The following ZHX3 variants were observed in gnomAD, a reference collection of about 807,000 sequenced individuals.
The protein encoded by ZHX3 is zinc fingers and homeoboxes 3.
Under a neutral mutation model 64.5 loss-of-function variants are expected in ZHX3, and 20 were observed. The observed-to-expected ratio is 0.31, with a 90% CI of 0.22 to 0.45. The LOEUF is 0.45. Ranked by LOEUF, ZHX3 falls within the 20% of genes least tolerant of loss-of-function variation. The pLI, the probability that ZHX3 is intolerant of heterozygous loss-of-function variation, is 1.00. For missense variants in ZHX3, 1,041 were observed against 1,195.8 expected, an observed-to-expected ratio of 0.87 and a Z score of 1.91; for synonymous variants, 423 against 461.6, an observed-to-expected ratio of 0.92 and a Z score of 1.07.
chr20:41,300,405 T>A (rs1246951709), intron 1 of ZHX3, among the ~76,000 whole-genome samples: 1 of 152,178 alleles, frequency 6.6e-6, no homozygotes, highest in African/African-American at 2.4e-5. Flanking sequence ...GAGAAATGAA[T>A]GCACTATTAA....
rs150499292 is a variant in ZHX3, at chr20:41,303,773, G to A, written c.-245+13736C>T. ...CTTTCTCCTGGCTCCTCCTTTCCTC[G>A]GCCTCTGAACATGCTAGAGCCCCTC... On this transcript the variant is annotated intron_variant, in intron 1 of 3. Coordinates refer to ENST00000683867, the MANE Select transcript of ZHX3 (RefSeq NM_001384317.1). Among the ~76,000 whole-genome samples, 251 of 151,944 alleles carry A rather than the reference G, an allele frequency of 1.7e-3. 3 individuals are homozygous for A. The highest frequency in any genetic ancestry group is 0.012 in the Admixed American group (178 of 15,256).
intron 2 of ZHX3, among the ~76,000 whole-genome samples, chr20:41,256,153 C>T (rs909179753): frequency 1.3e-5 from 2 of 152,102 alleles, no homozygotes; most frequent in Non-Finnish European, 2.9e-5. Context: ...GTAAACCAAG[C>T]CTTTTTAGCA....
rs1369550947 is a variant in ZHX3 at position 41,224,173 on chromosome 20, T to C, written c.-150-19107A>G. Among the ~76,000 whole-genome samples, 1 of 152,222 alleles carries C rather than the reference T, an allele frequency of 6.6e-6. No individual in the cohort carries two copies. Among genetic ancestry groups the C allele is most frequent in the Non-Finnish European group, 1.5e-5 (1 of 68,030 alleles). On this transcript the variant is annotated intron_variant, in intron 2 of 3. Coordinates refer to ENST00000683867, the MANE Select transcript of ZHX3 (RefSeq NM_001384317.1). This position sits in a 1 kb window ranked among gnomAD's most constrained non-coding sequence, Gnocchi z 5.2. ...TAAAAAATCCTGCAGCAATCTGTTA[T>C]CCAGTCTCCAACTGAGTATCTCCCA...
Position 41,179,367 on chromosome 20 carries a change from CCTCA to C in ZHX3, c.*5820_*5823del, listed in dbSNP as rs1401958643. 1 of 152,074 alleles carries C rather than the reference CCTCA, an allele frequency of 6.6e-6. No individual in the cohort carries two copies. The highest frequency in any genetic ancestry group is 1.9e-4 in the East Asian group (1 of 5,172). The allele number at this position is 152,074 out of a possible 1,614,324, so 9.4% of individuals were successfully genotyped here. On this transcript the variant is annotated 3_prime_UTR_variant, in exon 4 of 4. Transcript: ENST00000683867. This position sits in a 1 kb window ranked among gnomAD's most constrained non-coding sequence, Gnocchi z 4.3. ...CTGCTGAGGAGTAGGGACTGGCGCT[CCTCA>C]CTCCTGCTGACAATCTCATGTGGGG...
intron 2 of ZHX3, among the ~76,000 whole-genome samples, chr20:41,236,476 A>G (rs1359446111): frequency 1.3e-5 from 2 of 152,192 alleles, no homozygotes; most frequent in Non-Finnish European, 2.9e-5. Context: ...ACATATCTAC[A>G]ACCATCTGAT....
At position 41,181,013 on chromosome 20, in the gene ZHX3, T is replaced by C. The variant is rs1425296010; in HGVS notation, c.*4178A>G. 1 of 152,220 alleles carries C rather than the reference T, an allele frequency of 6.6e-6. No homozygotes were observed. 9.4% of individuals were successfully genotyped at this position (152,220 alleles called of 1,614,324 possible). A position where few individuals can be genotyped will look rare whatever the true frequency, so the allele number is the denominator to read the frequency against. The stretch of plus-strand genomic sequence containing the variant: ...GCCCATTTGCTCAGACAATGGAGCT[T>C]TTCTGAGATCAAGTGCTCCCCAAAC... On this transcript the variant is annotated 3_prime_UTR_variant, in exon 4 of 4. Coordinates refer to ENST00000683867, the MANE Select transcript of ZHX3 (RefSeq NM_001384317.1).
At chr20:41,199,252 G>A (rs992520823) in intron 3 of ZHX3, among the ~76,000 whole-genome samples, 1 of 152,256 alleles carries the variant, frequency 6.6e-6, no homozygotes, top group Non-Finnish European at 1.5e-5. Context: ...GATGGTGCCT[G>A]TCAATTTTTT....
intron 2 of ZHX3, among the ~76,000 whole-genome samples, chr20:41,261,561 C>T (rs1401674300): frequency 3.9e-5 from 6 of 152,210 alleles, no homozygotes; most frequent in Non-Finnish European, 8.8e-5. Context: ...TCCTCTACTT[C>T]TTTCTCTAGC....
At chr20:41,274,100 T>G (rs963512441) in intron 1 of ZHX3, among the ~76,000 whole-genome samples, 7 of 152,184 alleles carry the variant, frequency 4.6e-5, no homozygotes, top group African/African-American at 1.7e-4. Context: ...AAATATGAAG[T>G]TTATACTTGC....
chr20:41,311,786 T>C (rs528008222), intron 1 of ZHX3, among the ~76,000 whole-genome samples: 3 of 152,246 alleles, frequency 2.0e-5, no homozygotes, highest in Non-Finnish European at 2.9e-5. Context: ...ATCACCATAC[T>C]GGGTTCTCCC....
chr20:41,218,597 A>G lies in ZHX3; in HGVS notation c.-150-13531T>C, dbSNP rs182720417. 6.8e-4 allele frequency among the ~76,000 whole-genome samples: 103 copies of G among 152,304 alleles called. 1 individual carries two copies. The highest frequency in any genetic ancestry group is 2.4e-3 in the African/African-American group (99 of 41,562). On this transcript the variant is annotated intron_variant, in intron 2 of 3. Coordinates refer to ENST00000683867, the MANE Select transcript of ZHX3 (RefSeq NM_001384317.1). The stretch of plus-strand genomic sequence containing the variant: ...AACTCTTTTAACATGAGGCTTGGTG[A>G]TTAGACCACGGTAAGTCAGTAGGAC...
At chr20:41,263,288 C>T (rs535674896) in intron 2 of ZHX3, among the ~76,000 whole-genome samples, 17 of 150,874 alleles carry the variant, frequency 1.1e-4, no homozygotes, top group African/African-American at 3.2e-4. Context: ...TTATAGACCA[C>T]GAAAAAAGAA....
At chr20:41,208,565 A>G (rs2038911706) in intron 2 of ZHX3, among the ~76,000 whole-genome samples, 1 of 152,256 alleles carries the variant, frequency 6.6e-6, no homozygotes, top group Non-Finnish European at 1.5e-5. Context: ...GTAATCCATC[A>G]TATAAACAGA....
chr20:41,260,655 T>C lies in ZHX3; in HGVS notation c.-151+8335A>G, dbSNP rs79796957. 9.1e-3 allele frequency among the ~76,000 whole-genome samples: 1,392 copies of C among 152,320 alleles called. 25 individuals are homozygous for C. Among genetic ancestry groups the C allele is most frequent in the Non-Finnish European group, 0.01 (698 of 68,028 alleles). On this transcript the variant is annotated intron_variant, in intron 2 of 3. Transcript: ENST00000683867. ...GAGGAAGAGGTTATCTCTCGCACCA[T>C]TTTTCCCTAGAACAGTAACAACAAT...
intron 2 of ZHX3, among the ~76,000 whole-genome samples, chr20:41,257,674 T>C (rs2042331978): frequency 6.6e-6 from 1 of 150,798 alleles, no homozygotes; most frequent in Non-Finnish European, 1.5e-5. Context: ...TGCAGTGGCG[T>C]GATCTCAGCT....
Position 41,201,422 on chromosome 20 carries a change from G to A in ZHX3, c.2860+635C>T, listed in dbSNP as rs2038209500. On this transcript the variant is annotated intron_variant, in intron 3 of 3. Transcript: ENST00000683867. The surrounding 1 kb of genome is among the most constrained non-coding windows in gnomAD (Gnocchi z 5.0). ...CACGTAATAACATGACTTGTCTGTG[G>A]CTTCAAAACTATGTCTTAAATAAAA... The A allele has an allele frequency of 3.2e-6, 4 of 1,261,764 alleles. No individual in the cohort carries two copies. Among genetic ancestry groups the A allele is most frequent in the Admixed American group, 4.6e-5 (2 of 43,234 alleles). The allele number at this position is 1,261,764 out of a possible 1,614,324, so 78.2% of individuals were successfully genotyped here.
In ZHX3 at chr20:41,185,511, C is replaced by A. The variant is rs1036781480; in HGVS notation, c.2861-310G>T. 9.7e-6 allele frequency: 5 copies of A among 515,002 alleles called. No individual in the cohort carries two copies. The highest frequency in any genetic ancestry group is 1.7e-5 in the Non-Finnish European group (5 of 293,682). 31.9% of individuals were successfully genotyped at this position (515,002 alleles called of 1,614,324 possible). On this transcript the variant is annotated intron_variant, in intron 3 of 3. Transcript: ENST00000683867. The surrounding 1 kb of genome is among the most constrained non-coding windows in gnomAD (Gnocchi z 5.0). ...CACTAAATCCCCCTAGCTCCCCAGG[C>A]TTCCGCCACCACCGTCTCTGGAGTC... is the stretch of plus-strand genomic sequence containing the variant.
rs2038440463 is a variant in ZHX3, at chr20:41,203,595, G to A, written c.1322C>T (p.Ser441Phe). 6.2e-7 allele frequency: 1 copy of A among 1,614,244 alleles called. No individual in the cohort carries two copies. Among genetic ancestry groups the A allele is most frequent in the Non-Finnish European group, 8.5e-7 (1 of 1,180,044 alleles). Residue 441 changes from serine to phenylalanine, a missense_variant, in exon 3 of 4, where the codon TCC becomes TTC. Transcript: ENST00000683867. This position sits in a 1 kb window ranked among gnomAD's most constrained non-coding sequence, Gnocchi z 7.1. Reference sequence around the variant, plus strand: ...GGATGTCACCGTGAGGGGGAGAGGGGAACTTGTTGCTTGCAACCCATTGGC... The same window carrying A: ...GGATGTCACCGTGAGGGGGAGAGGGAAACTTGTTGCTTGCAACCCATTGGC... The part of the protein sequence containing the change: ...LMANGLQATS[S>F]PLPLTVTSVP...
intron 2 of ZHX3, chr20:41,238,759 A>G (rs544394840): frequency 2.6e-5 from 4 of 152,278 alleles, no homozygotes; most frequent in African/African-American, 9.6e-5. Flanking sequence ...CTGTTCCCCA[A>G]TCTCCAAGGC....
Sources: allele counts gnomAD v4.1 joint callset (sites outside exome capture counted in the v4.1 genomes callset), GRCh38; gene constraint gnomAD v4.1.1; non-coding constraint Gnocchi (gnomAD v3.1); transcripts MANE v1.5; gene names NCBI Gene and HGNC (gene_info 2026-07-23, HGNC 2026-07-21).